The following HDAC1 variants were observed in gnomAD, a reference collection of about 807,000 sequenced individuals.
The protein encoded by HDAC1 is protein deacetylase HDAC1.
In HDAC1, 18 loss-of-function variants were observed where a neutral mutation model predicts 65.5. The ratio of observed to expected loss-of-function variants is 0.27; its 90% CI spans 0.19 to 0.41. HDAC1 has a LOEUF of 0.41. Ranked by LOEUF, HDAC1 falls within the 10% of genes least tolerant of loss-of-function variation. HDAC1 has a pLI of 1.00. For synonymous variants in HDAC1, 211 were observed against 227.9 expected, an observed-to-expected ratio of 0.93 and a Z score of 0.67; for missense variants, 373 against 625.2, an observed-to-expected ratio of 0.60 and a Z score of 4.30.
chr1:32,302,639 AT>A lies in HDAC1; in HGVS notation c.70del (p.Tyr24MetfsTer7). 1.3e-6 allele frequency: 2 copies of A among 1,582,048 alleles called. No homozygotes were observed. Among genetic ancestry groups the A allele is most frequent in the Non-Finnish European group, 1.7e-6 (2 of 1,150,792 alleles). ...YYYDGDVGNY[Y>X]YGQGHPMKPH... ...TCTTCAGGGGATGTTGGAAATTACT[AT>A]TATGGACAAGGCCACCCAATGAAGC... On this transcript the variant is annotated frameshift_variant, in exon 2 of 14. Coordinates refer to ENST00000373548, the MANE Select transcript of HDAC1 (RefSeq NM_004964.3). LOFTEE classifies it high-confidence loss of function.
rs763449263 is a variant in HDAC1 at position 32,316,783 on chromosome 1, G to GT, written c.280+2dup. 1.3e-6 allele frequency: 2 copies of GT among 1,579,314 alleles called. No homozygotes were observed. Among genetic ancestry groups the GT allele is most frequent in the Non-Finnish European group, 1.7e-6 (2 of 1,148,230 alleles). On this transcript the variant is annotated splice_donor_variant, in intron 3 of 13. Transcript: ENST00000373548. LOFTEE classifies it high-confidence loss of function. The stretch of plus-strand genomic sequence containing the variant: ...GAGTACAGCAAGCAGATGCAGAGAT[G>GT]TAAGTCCATTCTGTTCCCTCACACT...
intron 2 of HDAC1, among the ~76,000 whole-genome samples, chr1:32,304,911 T>G (rs1294645743): frequency 6.6e-6 from 1 of 152,112 alleles, no homozygotes; most frequent in African/African-American, 2.4e-5. Context: ...AGGGTCTTGC[T>G]GTTTTGTCCA....
chr1:32,332,635 A>G, intron 12 of HDAC1, 66 bp from the exon 13 acceptor site: 1 of 1,183,906 alleles, frequency 8.4e-7, no homozygotes, highest in Non-Finnish European at 1.2e-6. Context: ...TCTCAGGGTA[A>G]ATGAAGACCT....
intron 2 of HDAC1, 53 bp from the exon 3 acceptor site, chr1:32,316,608 TTGAC>T: frequency 1.1e-6 from 1 of 921,002 alleles, no homozygotes; most frequent in Non-Finnish European, 1.8e-6. Flanking sequence ...TCAAACTAGA[TTGAC>T]TGGACTGGCC....
At chr1:32,295,820 A>C (rs1484096578) in intron 1 of HDAC1, among the ~76,000 whole-genome samples, 1 of 152,186 alleles carries the variant, frequency 6.6e-6, no homozygotes, top group Non-Finnish European at 1.5e-5. Flanking sequence ...CATGTTGTCC[A>C]GGCTGGCCTT....
rs202175581 is a variant in HDAC1, at chr1:32,330,752, C to T, written c.839-16C>T. 2.7e-3 allele frequency: 4,322 copies of T among 1,614,058 alleles called. 8 individuals carry two copies. Among genetic ancestry groups the T allele is most frequent in the Non-Finnish European group, 3.3e-3 (3,903 of 1,179,980 alleles). On this transcript the variant is annotated splice_polypyrimidine_tract_variant and intron_variant, in intron 8 of 13. Transcript: ENST00000373548. This position sits in a 1 kb window ranked among gnomAD's most constrained non-coding sequence, Gnocchi z 4.2. ...CTTGGTGCTCCTGTAACTCAGCACC[C>T]CTTCTCCCACCAAAGGACACGCCAA...
At chr1:32,307,557 T>G (rs1640927982) in intron 2 of HDAC1, among the ~76,000 whole-genome samples, 1 of 152,220 alleles carries the variant, frequency 6.6e-6, no homozygotes, top group South Asian at 2.1e-4. Flanking sequence ...GATAAAGGGA[T>G]GATTCACACC....
At chr1:32,319,317 T>C (rs1641108735) in intron 3 of HDAC1, among the ~76,000 whole-genome samples, 2 of 151,594 alleles carry the variant, frequency 1.3e-5, no homozygotes, top group African/African-American at 4.8e-5. Context: ...AGAATAAGCC[T>C]CTCTAAGAAC....
Position 32,332,702 on chromosome 1 carries a change from A to G in HDAC1, c.1374A>G (p.Glu458=). 1 of 1,554,484 alleles carries G rather than the reference A, an allele frequency of 6.4e-7. No homozygotes were observed. Among genetic ancestry groups the G allele is most frequent in the Non-Finnish European group, 8.7e-7 (1 of 1,148,268 alleles). The change falls in exon 13 of 14, where the codon GAA becomes GAG. Residue 458 remains glutamate (E), a splice_region_variant and synonymous_variant. Transcript: ENST00000373548. ...CATCCCTGTACTCTTGTGTTCTAGA[A>G]GTCACCGAAGAGGAGAAAACCAAGG... ...EKEKDPEEKK[E]VTEEEKTKEE... is the part of the protein sequence containing the mutation.
chr1:32,333,100 C>G lies in HDAC1; in HGVS notation c.*56C>G, dbSNP rs1192607076. On this transcript the variant is annotated 3_prime_UTR_variant, in exon 14 of 14. Transcript: ENST00000373548. ...AGTCCCTCACGTTTCTTCCCCAACC[C>G]CTCAGATTTTATATTTTCTATTTCT... 2.9e-6 allele frequency: 4 copies of G among 1,372,422 alleles called. No individual in the cohort carries two copies. The highest frequency in any genetic ancestry group is 1.8e-5 in the Admixed American group (1 of 55,458). The allele number at this position is 1,372,422 out of a possible 1,614,324, so 85.0% of individuals were successfully genotyped here. A position where few individuals can be genotyped will look rare whatever the true frequency, so the allele number is the denominator to read the frequency against.
chr1:32,292,482 TTGAG>T (rs1640710804), intron 1 of HDAC1: 2 of 971,342 alleles, frequency 2.1e-6, no homozygotes, highest in African/African-American at 3.5e-5. Flanking sequence ...TGTGGAGAGT[TTGAG>T]TGGGACTCCT....
chr1:32,293,073 C>A (rs1215599614), intron 1 of HDAC1, among the ~76,000 whole-genome samples: 1 of 152,296 alleles, frequency 6.6e-6, no homozygotes, highest in East Asian at 1.9e-4. Context: ...GTAATCCCAG[C>A]ACTTTGGGAG....
In HDAC1 at chr1:32,329,456, C is replaced by T. The variant is rs988660205; in HGVS notation, c.729+296C>T. 1 of 505,528 alleles carries T rather than the reference C, an allele frequency of 2.0e-6. No individual in the cohort carries two copies. The highest frequency in any genetic ancestry group is 3.2e-5 in the Admixed American group (1 of 30,866). 31.3% of individuals were successfully genotyped at this position (505,528 alleles called of 1,614,324 possible). On this transcript the variant is annotated intron_variant, in intron 7 of 13. Transcript: ENST00000373548. This position sits in a 1 kb window ranked among gnomAD's most constrained non-coding sequence, Gnocchi z 4.1. ...CATACCCAGTAGTCTATGATTAGTA[C>T]TGTTTTTGTATCTCCATTTCTTTGG...
chr1:32,320,013 G>A (rs1230485316), intron 3 of HDAC1, among the ~76,000 whole-genome samples: 2 of 151,752 alleles, frequency 1.3e-5, no homozygotes, highest in Middle Eastern at 3.4e-3. Context: ...TCAGTACATC[G>A]AGACACCATC....
chr1:32,332,329 C>T (rs1484535873), intron 12 of HDAC1, 87 bp downstream of exon 12: 1 of 1,226,440 alleles, frequency 8.2e-7, no homozygotes, highest in African/African-American at 1.5e-5. Flanking sequence ...TGACTCAGGC[C>T]CTGCCAGCTC....
rs1557613346 is a variant in HDAC1, at chr1:32,331,430, C to G, written c.980-44C>G. On this transcript the variant is annotated intron_variant, in intron 9 of 13. Coordinates refer to ENST00000373548, the MANE Select transcript of HDAC1 (RefSeq NM_004964.3). The surrounding 1 kb of genome is among the most constrained non-coding windows in gnomAD (Gnocchi z 4.2). ...TGCTTACGTGCAAATGGTTAGGGTG[C>G]GGTGGCCAGGTCTCTTGACGGTCTT... is the stretch of plus-strand genomic sequence containing the variant. 1 of 1,100,418 alleles carries G rather than the reference C, an allele frequency of 9.1e-7. No individual in the cohort carries two copies. The highest frequency in any genetic ancestry group is 1.7e-5 in the Admixed American group (1 of 58,920). 68.2% of individuals were successfully genotyped at this position (1,100,418 alleles called of 1,614,324 possible). A position where few individuals can be genotyped will look rare whatever the true frequency, so the allele number is the denominator to read the frequency against.
Position 32,332,072 on chromosome 1 carries a change from C to A in HDAC1, c.1220-18C>A. 6.4e-7 allele frequency: 1 copy of A among 1,568,362 alleles called. No homozygotes were observed. The highest frequency in any genetic ancestry group is 8.6e-7 in the Non-Finnish European group (1 of 1,159,566). ...GCACCCGCCTGCCCTCTCACCCATGCTTCCCACTCCCTCCCAGTCTGCTCC... is the reference window on the plus strand; with the variant it reads ...GCACCCGCCTGCCCTCTCACCCATGATTCCCACTCCCTCCCAGTCTGCTCC... On this transcript the variant is annotated intron_variant, in intron 11 of 13. Transcript: ENST00000373548.
intron 3 of HDAC1, among the ~76,000 whole-genome samples, chr1:32,319,944 T>C (rs1352117912): frequency 2.0e-5 from 3 of 150,646 alleles, no homozygotes; most frequent in East Asian, 1.9e-4. Context: ...TGGCCAGGCG[T>C]GGTGGCTCAT....
Position 32,314,546 on chromosome 1 carries a change from G to A in HDAC1, c.163-2119G>A, listed in dbSNP as rs748777054. Among the ~76,000 whole-genome samples, 47 of 151,678 alleles carry A rather than the reference G, an allele frequency of 3.1e-4. 1 individual carries two copies. The highest frequency in any genetic ancestry group is 5.4e-4 in the Non-Finnish European group (37 of 67,970). The stretch of plus-strand genomic sequence containing the variant: ...TATTTCTTAAATATAGAGATATTTC[G>A]CCGGGCAAGGTGGCTCATGCCTGTA... On this transcript the variant is annotated intron_variant, in intron 2 of 13. Coordinates refer to ENST00000373548, the MANE Select transcript of HDAC1 (RefSeq NM_004964.3).
Sources: gnomAD v4.1 joint callset for allele counts (sites outside exome capture counted in the v4.1 genomes callset) on GRCh38, gnomAD v4.1.1 for gene constraint, Gnocchi (gnomAD v3.1) non-coding constraint, MANE v1.5 for transcripts, NCBI Gene and HGNC (gene_info 2026-07-23, HGNC 2026-07-21) for gene names.